Variants in SH2B2 observed in about 807,000 individuals in gnomAD.
The protein encoded by SH2B2 is SH2B adaptor protein 2, also known as SH2B adapter protein 2.
A neutral mutation model predicts 35.7 loss-of-function variants in SH2B2; 37 were observed. The ratio of observed to expected loss-of-function variants is 1.04; its 90% confidence interval spans 0.80 to 1.36. The LOEUF (loss-of-function observed/expected upper bound fraction) is 1.36. Ranked by LOEUF, SH2B2 falls within the 40% of genes most tolerant of loss-of-function variation. The probability of loss-of-function intolerance (pLI) is 0.00; values close to 1 mark genes in which losing one functional copy is unlikely to be tolerated. For missense variants in SH2B2, 852 were observed against 817.7 expected, an observed-to-expected ratio of 1.04 and a Z score of -0.51; for synonymous variants, 383 against 376.4, an observed-to-expected ratio of 1.02 and a Z score of -0.20.
intron 7 of SH2B2, 102 bp from the exon 8 acceptor site, chr7:102,320,219 CACAGCCCCAT>C: frequency 1.1e-6 from 1 of 905,080 alleles, no homozygotes; most frequent in East Asian, 2.5e-5. Flanking sequence ...CCGGCCCTGA[CACAGCCCCAT>C]ACAGCCCCTG....
chr7:102,286,185 C>T (rs1792436805), upstream of SH2B2, among the ~76,000 whole-genome samples: 1 of 152,252 alleles, frequency 6.6e-6, no homozygotes, highest in Non-Finnish European at 1.5e-5. Flanking sequence ...GCCCCCATCA[C>T]AGCGAAGGCT....
intron 4 of SH2B2, 98 bp downstream of exon 4, chr7:102,309,004 C>A: frequency 1.1e-6 from 1 of 943,538 alleles, no homozygotes; most frequent in Non-Finnish European, 1.7e-6. Flanking sequence ...GGGAGCTCAG[C>A]TTGAGAAATG....
Position 102,300,544 on chromosome 7 carries a change from G to A in SH2B2, c.-7G>A. 4 of 1,542,696 alleles carry A rather than the reference G, an allele frequency of 2.6e-6. No individual in the cohort carries two copies. The highest frequency in any genetic ancestry group is 1.2e-5 in the South Asian group (1 of 83,882). ...AAGCCGCAGGTGGCTGCGATGGGAC[G>A]GAAGCCATGAATGGTGCCGGCCCTG... On this transcript the variant is annotated 5_prime_UTR_variant, in exon 2 of 9. Coordinates refer to ENST00000444095, the MANE Select transcript of SH2B2 (RefSeq NM_001359228.2).
At chr7:102,298,893 T>C (rs1357229662) in intron 1 of SH2B2, among the ~76,000 whole-genome samples, 1 of 150,572 alleles carries the variant, frequency 6.6e-6, no homozygotes, top group Non-Finnish European at 1.5e-5. Context: ...TTTTTGTTAT[T>C]ACTTTTTCTT....
chr7:102,308,934 G>T, intron 4 of SH2B2, 28 bp downstream of exon 4: 1 of 1,569,628 alleles, frequency 6.4e-7, no homozygotes, highest in South Asian at 1.1e-5. Context: ...CCGAAGATGG[G>T]TGGACAGGCT....
intron 2 of SH2B2, among the ~76,000 whole-genome samples, chr7:102,302,961 C>T (rs544933301): frequency 3.3e-5 from 5 of 152,170 alleles, no homozygotes; most frequent in South Asian, 2.1e-4. Flanking sequence ...GGGCCGAGCG[C>T]GGTGGCTCAT....
intron 1 of SH2B2, among the ~76,000 whole-genome samples, chr7:102,287,829 G>C (rs782389286): frequency 6.6e-6 from 1 of 152,220 alleles, no homozygotes; most frequent in Non-Finnish European, 1.5e-5. Flanking sequence ...CCCGAAGTGG[G>C]GGCCTTCAGG....
intron 6 of SH2B2, 113 bp downstream of exon 6, chr7:102,314,795 C>G (rs1160028854): frequency 2.5e-6 from 1 of 397,900 alleles, no homozygotes; most frequent in African/African-American, 2.1e-5. Flanking sequence ...GCTGTGACAT[C>G]TCATCCTCCT....
intron 1 of SH2B2, among the ~76,000 whole-genome samples, chr7:102,295,867 C>A (rs533410150): frequency 5.3e-5 from 8 of 152,272 alleles, no homozygotes; most frequent in Admixed American, 1.3e-4. Flanking sequence ...ATCCTTCCCC[C>A]ACCTTCGTGA....
chr7:102,318,503 T>C (rs1793942029), intron 7 of SH2B2, among the ~76,000 whole-genome samples: 1 of 152,138 alleles, frequency 6.6e-6, no homozygotes, highest in East Asian at 1.9e-4. Flanking sequence ...GGGTGCAATG[T>C]GGCCAGAGGG....
At chr7:102,291,431 A>G (rs1700048930) in intron 1 of SH2B2, among the ~76,000 whole-genome samples, 1 of 152,156 alleles carries the variant, frequency 6.6e-6, no homozygotes, top group Non-Finnish European at 1.5e-5. Context: ...AGGGAAACTA[A>G]TGCTCAGAAC....
rs1792477658 is a variant in SH2B2 at position 102,286,942 on chromosome 7, C to CTCG, written c.-182_-181insTCG. On this transcript the variant is annotated 5_prime_UTR_variant, in exon 1 of 9. Transcript: ENST00000444095. ...AGCCGCGCGGGGGACGCGCCGGGAC[C>CTCG]GCGAGGAGCGCAGGAGCCTTCGAGG... The CTCG allele has an allele frequency of 6.7e-6, 1 of 149,044 alleles. No individual in the cohort carries two copies. The highest frequency in any genetic ancestry group is 1.5e-5 in the Non-Finnish European group (1 of 67,146). 9.2% of individuals were successfully genotyped at this position (149,044 alleles called of 1,614,324 possible). A position where few individuals can be genotyped will look rare whatever the true frequency, so the allele number is the denominator to read the frequency against.
rs782181068 is a variant in SH2B2, at chr7:102,320,403, A to T, written c.1468A>T (p.Met490Leu). Residue 490 changes from methionine to leucine, a missense_variant, in exon 8 of 9, where the codon ATG (methionine) becomes TTG (leucine). Physicochemically the swap from Met to Leu is conservative, Grantham distance 15. Transcript: ENST00000444095. Reference sequence around the variant, plus strand: ...TCTGTGGTTCCAGTCTGTGCTTGACATGCTCCGCCACTTCCACACACACCC... The same window carrying T: ...TCTGTGGTTCCAGTCTGTGCTTGACTTGCTCCGCCACTTCCACACACACCC... ...QHLWFQSVLDMLRHFHTHPIP... is the reference protein window; with the variant it reads ...QHLWFQSVLDLLRHFHTHPIP... The T allele has an allele frequency of 2.5e-6, 4 of 1,613,602 alleles. No individual in the cohort carries two copies. Among genetic ancestry groups the T allele is most frequent in the South Asian group, 1.1e-5 (1 of 91,082 alleles).
chr7:102,290,796 C>T (rs1792647075), intron 1 of SH2B2, among the ~76,000 whole-genome samples: 1 of 152,246 alleles, frequency 6.6e-6, no homozygotes, highest in Admixed American at 6.5e-5. Flanking sequence ...AGAACGCTGA[C>T]CTTGGCCACA....
chr7:102,300,042 G>A (rs939280602), intron 1 of SH2B2, among the ~76,000 whole-genome samples: 2 of 152,110 alleles, frequency 1.3e-5, no homozygotes, highest in African/African-American at 2.4e-5. Context: ...CTTAGCCTCC[G>A]GAGTGGCTAG....
chr7:102,308,813 A>G lies in SH2B2; in HGVS notation c.832-2A>G. ...TGCACTCCCGGCCACCTTCCTCCCCAGGTAGAGAATGGAGCCGAATACATC... is the reference window on the plus strand; with the variant it reads ...TGCACTCCCGGCCACCTTCCTCCCCGGGTAGAGAATGGAGCCGAATACATC... On this transcript the variant is annotated splice_acceptor_variant, in intron 3 of 8. Coordinates refer to ENST00000444095, the MANE Select transcript of SH2B2 (RefSeq NM_001359228.2). LOFTEE classifies it high-confidence loss of function. 3 of 1,612,590 alleles carry G rather than the reference A, an allele frequency of 1.9e-6. No individual in the cohort carries two copies. The highest frequency in any genetic ancestry group is 2.5e-6 in the Non-Finnish European group (3 of 1,178,904).
intron 6 of SH2B2, among the ~76,000 whole-genome samples, chr7:102,315,748 A>AG (rs1401794737): frequency 6.8e-6 from 1 of 146,678 alleles, no homozygotes; most frequent in Non-Finnish European, 1.5e-5. Flanking sequence ...TGAAAAGAAA[A>AG]AAAAAAAAAA....
rs782006896 is a variant in SH2B2, at chr7:102,308,822, A to T, written c.839A>T (p.Asn280Ile). ...GGCCACCTTCCTCCCCAGGTAGAGA[A>T]TGGAGCCGAATACATCTTGGAGACC... ...KDNTFVLKVE[N>I]GAEYILETID... The change falls in exon 4 of 9, where the codon AAT (asparagine) becomes ATT (isoleucine). Residue 280 changes from asparagine to isoleucine, a missense_variant. Asn to Ile is a moderately radical substitution (Grantham distance 149, BLOSUM62 -3). Around this residue, in one of 3 missense-constraint regions of SH2B2, gnomAD observed 556 missense variants for 514.5 expected, o/e 1.08. Transcript: ENST00000444095. The T allele has an allele frequency of 6.2e-7, 1 of 1,613,550 alleles. No homozygotes were observed.
chr7:102,290,108 G>A (rs1453449332), intron 1 of SH2B2, among the ~76,000 whole-genome samples: 2 of 121,796 alleles, frequency 1.6e-5, no homozygotes, highest in Non-Finnish European at 1.8e-5. Flanking sequence ...CGCTCAGAGT[G>A]CCCCATCCTC....
Sources: gnomAD v4.1 joint callset for allele counts (sites outside exome capture counted in the v4.1 genomes callset) on GRCh38, gnomAD v4.1.1 for gene constraint, gnomAD v4.1.1 regional missense constraint, MANE v1.5 for transcripts, NCBI Gene and HGNC (gene_info 2026-07-23, HGNC 2026-07-21) for gene names.